The following FGF14 variants were observed in gnomAD, a reference collection of about 807,000 sequenced individuals.
The protein encoded by FGF14 is fibroblast growth factor homologous factor 4.
In FGF14, 5 loss-of-function variants were observed where a neutral mutation model predicts 25.5. The ratio of observed to expected loss-of-function variants is 0.20; its 90% CI spans 0.10 to 0.41. The LOEUF (loss-of-function observed/expected upper bound fraction) is 0.41, where lower values mean the gene tolerates loss of function less well. Ranked by LOEUF, FGF14 falls within the 10% of genes least tolerant of loss-of-function variation. The probability of loss-of-function intolerance (pLI) is 1.00; values close to 1 mark genes in which losing one functional copy is unlikely to be tolerated. For synonymous variants in FGF14, 138 were observed against 118.3 expected (o/e 1.17, Z -1.08); for missense variants, 222 against 320.1 (o/e 0.69, Z 2.34).
At chr13:101,808,457 TTAA>T (rs2041323580) in intron 3 of FGF14, among the ~76,000 whole-genome samples, 4 of 152,150 alleles carry the variant, frequency 2.6e-5, no homozygotes, top group Admixed American at 1.3e-4. Context: ...TAAAACTGAA[TTAA>T]TGTTTGTCAT....
At chr13:102,203,108 C>A (rs572747627) in intron 1 of FGF14, among the ~76,000 whole-genome samples, 4 of 150,688 alleles carry the variant, frequency 2.7e-5, no homozygotes, top group East Asian at 2.0e-4. Flanking sequence ...AAGCACAGGG[C>A]AAATTCTACT....
chr13:101,974,136 T>C (rs2037782139), intron 1 of FGF14, among the ~76,000 whole-genome samples: 1 of 152,230 alleles, frequency 6.6e-6, no homozygotes, highest in African/African-American at 2.4e-5. Flanking sequence ...AATAAGTCCA[T>C]ATCTAGAAAT....
At chr13:102,087,511 C>A (rs9513977) in intron 1 of FGF14, among the ~76,000 whole-genome samples, 54,401 of 141,258 alleles carry the variant, frequency 0.39, 12,390 homozygotes, top group Non-Finnish European at 0.51. Flanking sequence ...TCTCTGGTTC[C>A]CGTCATTCTC....
At chr13:102,394,329 C>T (rs954273015) in intron 1 of FGF14, 40 of 152,358 alleles carry the variant, frequency 2.6e-4, no homozygotes, top group African/African-American at 8.4e-4. Flanking sequence ...ATGGGGTGCC[C>T]CCGCGTCAAC....
At chr13:101,960,348 C>A (rs1467080216) in intron 1 of FGF14, among the ~76,000 whole-genome samples, 1 of 152,140 alleles carries the variant, frequency 6.6e-6, no homozygotes, top group South Asian at 2.1e-4. Context: ...CTGATGCTCT[C>A]CCTCCCCCAG....
rs202058483 is a variant in FGF14, at chr13:102,158,534, C to CG, written c.208+242936dup. Among the ~76,000 whole-genome samples the CG allele has an allele frequency of 9.3e-3, 535 of 57,634 alleles. 2 individuals are homozygous for CG. The highest frequency in any genetic ancestry group is 0.027 in the African/African-American group (394 of 14,350). The allele number at this position is 57,634 out of a possible 152,430, so 37.8% of individuals were successfully genotyped here. Reference sequence around the variant, plus strand: ...GGGGCCTGTTGTGGGGTGGGGGTAGCGGGGGGGGGATACATTAGGAGATAT... The same window carrying CG: ...GGGGCCTGTTGTGGGGTGGGGGTAGCGGGGGGGGGGATACATTAGGAGATAT... On this transcript the variant is annotated intron_variant, in intron 1 of 4. Coordinates refer to the FGF14 transcript ENST00000376131.
chr13:102,193,001 A>G (rs2049189091), intron 1 of FGF14, among the ~76,000 whole-genome samples: 2 of 152,122 alleles, frequency 1.3e-5, no homozygotes, highest in South Asian at 4.1e-4. Flanking sequence ...AAACTTTTCC[A>G]TCCCCTATCC....
intron 1 of FGF14, among the ~76,000 whole-genome samples, chr13:102,064,363 T>C (rs537577613): frequency 6.6e-5 from 10 of 152,238 alleles, no homozygotes; most frequent in Non-Finnish European, 1.5e-5. Flanking sequence ...TTTAGATGGG[T>C]TCCTAGTCAG....
chr13:102,007,062 G>A (rs1474630340), intron 1 of FGF14, among the ~76,000 whole-genome samples: 2 of 152,098 alleles, frequency 1.3e-5, no homozygotes, highest in Admixed American at 6.5e-5. Context: ...ACTTCTTAGA[G>A]TGTGGTCAAA....
At chr13:101,823,097 C>T (rs963239566) in intron 3 of FGF14, among the ~76,000 whole-genome samples, 1 of 152,074 alleles carries the variant, frequency 6.6e-6, no homozygotes, top group African/African-American at 2.4e-5. Context: ...TTTGTGTATA[C>T]ATTCATCCTT....
At chr13:101,961,211 T>TTTTGC in intron 1 of FGF14, among the ~76,000 whole-genome samples, 1 of 152,310 alleles carries the variant, frequency 6.6e-6, no homozygotes, top group Admixed American at 6.5e-5. Flanking sequence ...TGTGTCAATT[T>TTTTGC]TTTGCTTTTG....
At chr13:101,932,039 G>C (rs2034785930) in intron 1 of FGF14, among the ~76,000 whole-genome samples, 2 of 152,094 alleles carry the variant, frequency 1.3e-5, no homozygotes, top group South Asian at 4.1e-4. Context: ...TAAATGATCA[G>C]GGATTCCATT....
intron 1 of FGF14, among the ~76,000 whole-genome samples, chr13:102,306,228 C>T (rs1296721686): frequency 1.3e-5 from 2 of 152,190 alleles, no homozygotes; most frequent in Admixed American, 6.6e-5. Flanking sequence ...AATCAGTACA[C>T]TGGAATACAG....
At chr13:102,146,212 G>A (rs767169962) in intron 1 of FGF14, among the ~76,000 whole-genome samples, 13 of 152,112 alleles carry the variant, frequency 8.5e-5, no homozygotes, top group Non-Finnish European at 1.6e-4. Flanking sequence ...TAATTTACAC[G>A]CAGTACATGT....
chr13:101,976,021 G>A (rs1252379553), intron 1 of FGF14, among the ~76,000 whole-genome samples: 1 of 152,162 alleles, frequency 6.6e-6, no homozygotes, highest in Non-Finnish European at 1.5e-5. Context: ...GTGAAGATTC[G>A]TGTTCAGAAC....
At chr13:102,388,239 C>T (rs1300631884) in intron 1 of FGF14, among the ~76,000 whole-genome samples, 3 of 152,108 alleles carry the variant, frequency 2.0e-5, no homozygotes, top group African/African-American at 4.8e-5. Flanking sequence ...AGCCATTCTC[C>T]CCTTATTTAG....
chr13:102,112,334 C>T (rs1293530982), intron 1 of FGF14, among the ~76,000 whole-genome samples: 4 of 152,160 alleles, frequency 2.6e-5, no homozygotes, highest in Non-Finnish European at 4.4e-5. Context: ...GGGTGAGAAG[C>T]TCAGGTCCCC....
At chr13:101,957,272 A>G (rs1246065066) in intron 1 of FGF14, among the ~76,000 whole-genome samples, 2 of 152,166 alleles carry the variant, frequency 1.3e-5, no homozygotes, top group Non-Finnish European at 1.5e-5. Context: ...AGTGTAAAGT[A>G]AAAAAGTAAG....
chr13:102,085,085 A>G (rs1219895333), intron 1 of FGF14, among the ~76,000 whole-genome samples: 1 of 152,254 alleles, frequency 6.6e-6, no homozygotes, highest in African/African-American at 2.4e-5. Context: ...AACAAGGAGT[A>G]TAATTGGCCT....
Sources: gnomAD v4.1 joint callset for allele counts (sites outside exome capture counted in the v4.1 genomes callset) on GRCh38, gnomAD v4.1.1 for gene constraint, MANE v1.5 for transcripts, NCBI Gene and HGNC (gene_info 2026-07-23, HGNC 2026-07-21) for gene names.